Variants in OTUD7A observed in about 807,000 individuals in gnomAD.
The protein encoded by OTUD7A is OTU domain-containing protein 7A.
A neutral mutation model predicts 65.7 loss-of-function variants in OTUD7A; 12 were observed. That is an observed-to-expected ratio of 0.18 (90% CI 0.12 to 0.30). The LOEUF (loss-of-function observed/expected upper bound fraction) is 0.30. Ranked by LOEUF, OTUD7A falls within the 10% of genes least tolerant of loss-of-function variation. The pLI, the probability that OTUD7A is intolerant of heterozygous loss-of-function variation, is 1.00. For missense variants in OTUD7A, 1,148 were observed against 1,304.8 expected (o/e 0.88, Z 1.85); for synonymous variants, 641 against 586.3 (o/e 1.09, Z -1.35).
chr15:31,811,791 C>T (rs773332754), intron 1 of OTUD7A, among the ~76,000 whole-genome samples: 50 of 152,322 alleles, frequency 3.3e-4, no homozygotes, highest in Admixed American at 1.3e-3. Flanking sequence ...GGCCCTGCTG[C>T]GGGCAGTCCG....
chr15:31,555,409 AT>A (rs1274285024), intron 5 of OTUD7A, among the ~76,000 whole-genome samples: 1 of 152,186 alleles, frequency 6.6e-6, no homozygotes, highest in Non-Finnish European at 1.5e-5. Context: ...TAAATAGTTT[AT>A]TCATAAAGAT....
intron 3 of OTUD7A, among the ~76,000 whole-genome samples, chr15:31,638,518 G>T (rs13380159): frequency 0.29 from 43,065 of 149,678 alleles, 7,293 homozygotes; most frequent in African/African-American, 0.47. Context: ...TAGCTGGGAC[G>T]ACAGGCATGC....
intron 1 of OTUD7A, among the ~76,000 whole-genome samples, chr15:31,826,501 T>C (rs1256412187): frequency 1.3e-5 from 2 of 152,212 alleles, no homozygotes; most frequent in East Asian, 3.9e-4. Context: ...TTTTTTTCCC[T>C]TGGCCTCCAG....
intron 8 of OTUD7A, among the ~76,000 whole-genome samples, chr15:31,523,056 C>T (rs1030314613): frequency 2.6e-5 from 4 of 152,210 alleles, no homozygotes; most frequent in African/African-American, 7.2e-5. Context: ...TAGTTCTTCT[C>T]GCCATCATGC....
At chr15:31,863,208 T>C (rs1198168805) in intron 1 of OTUD7A, among the ~76,000 whole-genome samples, 1 of 152,156 alleles carries the variant, frequency 6.6e-6, no homozygotes, top group East Asian at 1.9e-4. Flanking sequence ...GGGGCTGGTG[T>C]TGAGTGTCTA....
intron 1 of OTUD7A, among the ~76,000 whole-genome samples, chr15:31,736,401 T>C (rs568011896): frequency 6.6e-6 from 1 of 152,310 alleles, no homozygotes; most frequent in Admixed American, 6.5e-5. Flanking sequence ...AGATGTTTAA[T>C]ATTTTCCATA....
At chr15:31,822,021 C>G (rs1896695260) in intron 1 of OTUD7A, among the ~76,000 whole-genome samples, 1 of 152,214 alleles carries the variant, frequency 6.6e-6, no homozygotes, top group South Asian at 2.1e-4. Flanking sequence ...CCTTATCAGA[C>G]ATGATTTACA....
intron 1 of OTUD7A, among the ~76,000 whole-genome samples, chr15:31,719,341 A>T (rs1264052399): frequency 6.6e-6 from 1 of 151,904 alleles, no homozygotes; most frequent in Non-Finnish European, 1.5e-5. Context: ...GAAAGTAAAC[A>T]TGCCAAAACT....
intron 3 of OTUD7A, among the ~76,000 whole-genome samples, chr15:31,629,701 C>T (rs1216045046): frequency 1.3e-5 from 2 of 152,112 alleles, no homozygotes; most frequent in East Asian, 1.9e-4. Flanking sequence ...TGGTAGAATT[C>T]GGCTGTGAAT....
At chr15:31,620,460 A>G (rs1890744068) in intron 3 of OTUD7A, among the ~76,000 whole-genome samples, 1 of 151,938 alleles carries the variant, frequency 6.6e-6, no homozygotes, top group African/African-American at 2.4e-5. Flanking sequence ...TTATTGGTCT[A>G]TTCAGAGATT....
chr15:31,766,037 A>G (rs1895085949), intron 1 of OTUD7A: 2 of 1,557,458 alleles, frequency 1.3e-6, no homozygotes, highest in Admixed American at 1.7e-5. Context: ...AAGTTGGCAA[A>G]GGAGCAAATA....
chr15:31,632,212 T>C (rs1355821242), intron 3 of OTUD7A, among the ~76,000 whole-genome samples: 1 of 152,174 alleles, frequency 6.6e-6, no homozygotes, highest in East Asian at 1.9e-4. Flanking sequence ...TTCCCCATCT[T>C]TGTGGCTTTA....
chr15:31,547,592 G>T (rs1012391035), intron 5 of OTUD7A, among the ~76,000 whole-genome samples: 3 of 152,052 alleles, frequency 2.0e-5, no homozygotes, highest in African/African-American at 7.3e-5. Context: ...GTGACTTAAT[G>T]AATATTTTTT....
chr15:31,690,438 T>G (rs1191685114), intron 1 of OTUD7A, among the ~76,000 whole-genome samples: 7 of 152,110 alleles, frequency 4.6e-5, no homozygotes, highest in Non-Finnish European at 8.8e-5. Context: ...ACAGAATCAA[T>G]AGCCAAGACA....
chr15:31,687,796 A>G (rs569524626), intron 1 of OTUD7A, among the ~76,000 whole-genome samples: 1 of 152,340 alleles, frequency 6.6e-6, no homozygotes, highest in African/African-American at 2.4e-5. Flanking sequence ...TAATGGGTTA[A>G]AAATTATAAT....
chr15:31,586,172 A>G (rs1275940177), intron 3 of OTUD7A, among the ~76,000 whole-genome samples: 2 of 152,214 alleles, frequency 1.3e-5, no homozygotes, highest in African/African-American at 4.8e-5. Flanking sequence ...CCAGGATAGA[A>G]TGACCAAAGA....
In OTUD7A at chr15:31,837,689, T is replaced by G. The variant is rs563632209; in HGVS notation, c.-100+32818A>C. Among the ~76,000 whole-genome samples, 4 of 152,340 alleles carry G rather than the reference T, an allele frequency of 2.6e-5. No individual in the cohort carries two copies. The East Asian group carries it at 5.8e-4, about 22-fold the overall frequency. On this transcript the variant is annotated intron_variant, in intron 1 of 12. Transcript: ENST00000307050. ...GGAGAAACATACCATATTCATAGAT[T>G]AGATGACTCAACATAATAAAGATGT...
At position 31,592,963 on chromosome 15, in the gene OTUD7A, G is replaced by GTATA. The variant is rs57472463; in HGVS notation, c.152-22770_152-22767dup. ...TATATATACACGTGTATATATATAT[G>GTATA]TATATATATATATATAGAAGGCATG... On this transcript the variant is annotated intron_variant, in intron 3 of 12. Transcript: ENST00000307050. Among the ~76,000 whole-genome samples the GTATA allele has an allele frequency of 6.2e-3, 660 of 106,748 alleles. 9 individuals are homozygous for GTATA. The highest frequency in any genetic ancestry group is 0.021 in the African/African-American group (600 of 28,194). The allele number at this position is 106,748 out of a possible 152,430, so 70.0% of individuals were successfully genotyped here. A position where few individuals can be genotyped will look rare whatever the true frequency, so the allele number is the denominator to read the frequency against.
Position 31,484,690 on chromosome 15 carries a change from G to T in OTUD7A, c.1406C>A (p.Ser469Ter). Residue 469 changes from serine (S) to a stop codon, truncating the protein, a stop_gained, in exon 13 of 13, where the codon TCG (serine) becomes TAG (stop). Transcript: ENST00000307050. LOFTEE classifies it low-confidence loss of function (END_TRUNC). The surrounding 1 kb of genome is among the most constrained non-coding windows in gnomAD (Gnocchi z 4.5). ...CAGGGACTGCACGTCCTCCCCTGCC[G>T]AGGCCGTGGGAGACTCCGGCTGTGC... ...PLAQPESPTA[S>*]AGEDVQSLAD... The T allele has an allele frequency of 6.3e-7, 1 of 1,583,862 alleles. No homozygotes were observed.
Sources: gnomAD v4.1 joint callset for allele counts (sites outside exome capture counted in the v4.1 genomes callset) on GRCh38, gnomAD v4.1.1 for gene constraint, Gnocchi (gnomAD v3.1) non-coding constraint, MANE v1.5 for transcripts, NCBI Gene and HGNC (gene_info 2026-07-23, HGNC 2026-07-21) for gene names.